The following ARID1B variants were observed in gnomAD, a reference collection of about 807,000 sequenced individuals.
ARID1B encodes AT-rich interactive domain-containing protein 1B.
Under a neutral mutation model 212.3 loss-of-function variants are expected in ARID1B, and 30 were observed. The observed-to-expected ratio is 0.14, with a 90% confidence interval of 0.11 to 0.19. The LOEUF (loss-of-function observed/expected upper bound fraction) is 0.19, where lower values mean the gene tolerates loss of function less well. Among genes scored for constraint, ARID1B ranks in the 10% least tolerant of loss-of-function variants. The probability of loss-of-function intolerance (pLI) is 1.00; values close to 1 mark genes in which losing one functional copy is unlikely to be tolerated. For missense variants in ARID1B, 2,891 were observed against 3,204.0 expected, an observed-to-expected ratio of 0.90 and a Z score of 2.36; for synonymous variants, 1,402 against 1,301.7, an observed-to-expected ratio of 1.08 and a Z score of -1.66.
intron 1 of ARID1B, among the ~76,000 whole-genome samples, chr6:156,784,632 T>C (rs1313345770): frequency 6.6e-6 from 1 of 152,244 alleles, no homozygotes; most frequent in East Asian, 1.9e-4. Flanking sequence ...AATTAGCAAT[T>C]CACTTTGAGT....
At chr6:156,921,739 A>G (rs1256890608) in intron 3 of ARID1B, among the ~76,000 whole-genome samples, 1 of 152,242 alleles carries the variant, frequency 6.6e-6, no homozygotes, top group Non-Finnish European at 1.5e-5. Flanking sequence ...ATTTGTAAAA[A>G]AAATTCAGCA....
intron 4 of ARID1B, among the ~76,000 whole-genome samples, chr6:156,970,073 G>GTTGTT (rs1423096191): frequency 1.4e-5 from 2 of 146,674 alleles, no homozygotes; most frequent in Admixed American, 6.8e-5. Context: ...TGTTTTGTTT[G>GTTGTT]TTGTTTTGTT....
intron 4 of ARID1B, among the ~76,000 whole-genome samples, chr6:156,981,419 G>C (rs917344002): frequency 2.0e-5 from 3 of 152,114 alleles, no homozygotes; most frequent in African/African-American, 7.2e-5. Flanking sequence ...GGTCATCTAA[G>C]TTTTCAAAAA....
At chr6:157,142,627 A>G (rs923090926) in intron 7 of ARID1B, among the ~76,000 whole-genome samples, 4 of 152,150 alleles carry the variant, frequency 2.6e-5, no homozygotes, top group Admixed American at 6.5e-5. Flanking sequence ...CTCTGTCTCA[A>G]AAACAACAAC....
chr6:156,975,613 CTTTTTTTTTT>C (rs367797338), intron 4 of ARID1B, among the ~76,000 whole-genome samples: 8 of 110,854 alleles, frequency 7.2e-5, no homozygotes, highest in Non-Finnish European at 1.3e-4. Context: ...TTTTTTTTTT[CTTTTTTTTTT>C]TTTTTTTCAG....
At position 157,148,956 on chromosome 6, in the gene ARID1B, G is replaced by A. The variant is rs2128635097; in HGVS notation, c.3089+5G>A. ...TGCGAACTCAGCACAAAGCAGGTAC[G>A]CCACCCAGGAGCACGCCCCGGGCAG... is the stretch of plus-strand genomic sequence containing the variant. On this transcript the variant is annotated splice_donor_5th_base_variant and intron_variant, in intron 8 of 19. Transcript: ENST00000636930. The surrounding 1 kb of genome is among the most constrained non-coding windows in gnomAD (Gnocchi z 5.6). The A allele has an allele frequency of 6.2e-7, 1 of 1,606,938 alleles. No individual in the cohort carries two copies.
intron 4 of ARID1B, among the ~76,000 whole-genome samples, chr6:157,054,877 C>T (rs11156136): frequency 0.28 from 41,877 of 152,206 alleles, 6,108 homozygotes; most frequent in Non-Finnish European, 0.32. Flanking sequence ...CTCAGCCGTA[C>T]CTCATTCTGC....
At position 156,779,243 on chromosome 6, in the gene ARID1B, C is replaced by G. The variant is rs764620171; in HGVS notation, c.1563C>G (p.Pro521=). 4 of 1,216,278 alleles carry G rather than the reference C, an allele frequency of 3.3e-6. No individual in the cohort carries two copies. Among genetic ancestry groups the G allele is most frequent in the African/African-American group, 3.3e-5 (2 of 61,236 alleles). The allele number at this position is 1,216,278 out of a possible 1,614,324, so 75.3% of individuals were successfully genotyped here. A position where few individuals can be genotyped will look rare whatever the true frequency, so the allele number is the denominator to read the frequency against. The change falls in exon 1 of 20, where the codon CCC becomes CCG. Residue 521 remains proline, a synonymous_variant. Transcript: ENST00000636930. ...PMMRSYGGSY[P]EYSSPSAPPP... ...TGCGGAGCTACGGCGGCAGCTACCCCGAGTACAGCAGCCCCAGCGCGCCGC... is the reference window on the plus strand; with the variant it reads ...TGCGGAGCTACGGCGGCAGCTACCCGGAGTACAGCAGCCCCAGCGCGCCGC...
At chr6:156,808,317 C>T (rs1266400785) in intron 1 of ARID1B, among the ~76,000 whole-genome samples, 1 of 152,114 alleles carries the variant, frequency 6.6e-6, no homozygotes, top group Non-Finnish European at 1.5e-5. Flanking sequence ...TCTTAAAATA[C>T]TTCAGAGTTC....
intron 5 of ARID1B, among the ~76,000 whole-genome samples, chr6:157,097,809 T>C (rs1785758198): frequency 1.3e-5 from 2 of 152,202 alleles, no homozygotes; most frequent in South Asian, 2.1e-4. Context: ...CACAGCTTTT[T>C]TTCTTCTCCC....
intron 4 of ARID1B, among the ~76,000 whole-genome samples, chr6:157,044,447 T>C (rs757169811): frequency 3.0e-4 from 46 of 152,314 alleles, no homozygotes; most frequent in Non-Finnish European, 5.0e-4. Context: ...CTATAGGATT[T>C]ATCATACTGG....
At chr6:157,202,979 G>C (rs1233681320) in intron 18 of ARID1B, among the ~76,000 whole-genome samples, 2 of 152,044 alleles carry the variant, frequency 1.3e-5, no homozygotes, top group Admixed American at 1.3e-4. Context: ...CTTCAACCTA[G>C]GGAAATTTAC....
At chr6:156,949,839 G>A (rs767341447) in intron 4 of ARID1B, among the ~76,000 whole-genome samples, 20 of 152,100 alleles carry the variant, frequency 1.3e-4, no homozygotes, top group Middle Eastern at 3.2e-3. Flanking sequence ...CCAGTATTAC[G>A]CTGCCATTTT....
At chr6:156,931,530 C>T (rs974592675) in intron 3 of ARID1B, among the ~76,000 whole-genome samples, 2 of 152,092 alleles carry the variant, frequency 1.3e-5, no homozygotes, top group African/African-American at 2.4e-5. Flanking sequence ...TCAGCGTCTA[C>T]GACATTTGTT....
intron 4 of ARID1B, among the ~76,000 whole-genome samples, chr6:156,991,920 C>A (rs1352982783): frequency 6.6e-6 from 1 of 151,954 alleles, no homozygotes; most frequent in Non-Finnish European, 1.5e-5. Flanking sequence ...GAAAATTAGC[C>A]AAAGATATTT....
In ARID1B at chr6:156,779,402, G is replaced by A; in HGVS notation, c.1722G>A (p.Ala574=). Residue 574 remains alanine, a synonymous_variant, in exon 1 of 20, where the codon GCG becomes GCA. Coordinates refer to ENST00000636930, the MANE Select transcript of ARID1B (RefSeq NM_001374828.1). The part of the protein sequence containing the change: ...AQYAAASPAW[A]AAQQRSHPAM... The stretch of plus-strand genomic sequence containing the variant: ...ACGCCGCTGCCAGCCCGGCCTGGGC[G>A]GCCGCGCAACAAAGGAGTCACCCGG... The A allele has an allele frequency of 1.4e-6, 2 of 1,441,320 alleles. No homozygotes were observed. Among genetic ancestry groups the A allele is most frequent in the Non-Finnish European group, 9.1e-7 (1 of 1,093,412 alleles). 89.3% of individuals were successfully genotyped at this position (1,441,320 alleles called of 1,614,324 possible).
At chr6:157,107,446 T>G (rs1401394478) in intron 5 of ARID1B, among the ~76,000 whole-genome samples, 1 of 151,956 alleles carries the variant, frequency 6.6e-6, no homozygotes, top group Admixed American at 6.6e-5. Flanking sequence ...TTTCTGTAAG[T>G]CTAAAATTAA....
intron 4 of ARID1B, among the ~76,000 whole-genome samples, chr6:156,958,455 A>G (rs547012534): frequency 6.6e-6 from 1 of 152,366 alleles, no homozygotes; most frequent in South Asian, 2.1e-4. Context: ...TGGGAGAAGG[A>G]GAATTTATGA....
At position 157,015,536 on chromosome 6, in the gene ARID1B, C is replaced by CA. The variant is rs578041863; in HGVS notation, c.2248-69124dup. Among the ~76,000 whole-genome samples, 435 of 152,152 alleles carry CA rather than the reference C, an allele frequency of 2.9e-3. 3 individuals carry two copies. The highest frequency in any genetic ancestry group is 5.3e-3 in the Non-Finnish European group (357 of 67,996). Reference sequence around the variant, plus strand: ...TCTCCTGGGTGTGAATGAGATTGCTCAAGAAAAGTGCGAAGACTGTCTCTG... The same window carrying CA: ...TCTCCTGGGTGTGAATGAGATTGCTCAAAGAAAAGTGCGAAGACTGTCTCTG... On this transcript the variant is annotated intron_variant, in intron 4 of 19. Transcript: ENST00000636930.
Sources: gnomAD v4.1 joint callset for allele counts (sites outside exome capture counted in the v4.1 genomes callset) on GRCh38, gnomAD v4.1.1 for gene constraint, Gnocchi (gnomAD v3.1) non-coding constraint, MANE v1.5 for transcripts, NCBI Gene and HGNC (gene_info 2026-07-23, HGNC 2026-07-21) for gene names.